The following HEPH variants were observed in gnomAD, a reference collection of about 807,000 sequenced individuals.
HEPH encodes the protein hephaestin.
A neutral mutation model predicts 80.8 loss-of-function variants in HEPH; 69 were observed. The observed-to-expected ratio is 0.85, with a 90% CI of 0.70 to 1.04. The LOEUF is 1.04. Among genes scored for constraint, HEPH ranks in the 50% least tolerant of loss-of-function variants. The probability of loss-of-function intolerance (pLI) is 0.00; values close to 1 mark genes in which losing one functional copy is unlikely to be tolerated. For missense variants in HEPH, 1,115 were observed against 891.3 expected, an observed-to-expected ratio of 1.25 and a Z score of -3.20; for synonymous variants, 431 against 322.8, an observed-to-expected ratio of 1.34 and a Z score of -3.60.
In HEPH at chrX:66,188,425, G is replaced by C. The variant is rs755569909; in HGVS notation, c.692G>C (p.Ser231Thr). 20 of 1,204,944 alleles carry C rather than the reference G, an allele frequency of 1.7e-5. No individual in the cohort carries two copies. The Admixed American group carries it at 3.1e-4, about 19-fold the overall frequency. The change falls in exon 5 of 21, where the codon AGT (serine) becomes ACT (threonine). Residue 231 changes from serine to threonine, a missense_variant. Physicochemically the swap from Ser to Thr is moderately conservative, Grantham distance 58. This residue lies in a region of HEPH where 391 missense variants were observed against 343.6 expected (regional missense o/e 1.14). Coordinates refer to ENST00000343002, the MANE Select transcript of HEPH (RefSeq NM_001367233.3). ...DVDHDFFLLF[S>T]VVDENLSWHL... ...GACCATGATTTCTTCCTCCTCTTCA[G>C]TGTGGTAGATGAGAACCTCAGCTGG...
rs767123857 is a variant in HEPH, at chrX:66,166,318, C to T, written c.-14+1848C>T. Among the ~76,000 whole-genome samples the T allele has an allele frequency of 3.6e-5, 4 of 111,213 alleles. No individual in the cohort carries two copies. The South Asian group carries it at 1.2e-3, about 32-fold the overall frequency. On this transcript the variant is annotated intron_variant, in intron 1 of 20. Transcript: ENST00000343002. ...AAGCGATTCTCCTGCCTCAGCCTCCCGAGTAGCTGGGATTACAGGCATGCA... is the reference window on the plus strand; with the variant it reads ...AAGCGATTCTCCTGCCTCAGCCTCCTGAGTAGCTGGGATTACAGGCATGCA...
intron 9 of HEPH, among the ~76,000 whole-genome samples, chrX:66,197,101 T>A (rs1434458514): frequency 9.0e-6 from 1 of 110,782 alleles, no homozygotes; most frequent in Non-Finnish European, 1.9e-5. Context: ...TGATTACTGA[T>A]GGCATGAAAA....
intron 6 of HEPH, among the ~76,000 whole-genome samples, chrX:66,191,490 G>A (rs2087787890): frequency 8.9e-6 from 1 of 111,894 alleles, no homozygotes; most frequent in Admixed American, 9.4e-5. Flanking sequence ...ATATAGCTGA[G>A]TGACCTCTAT....
chrX:66,263,578 AG>A, intron 19 of HEPH, 65 bp from the exon 20 acceptor site: 1 of 1,125,508 alleles, frequency 8.9e-7, no homozygotes, highest in Non-Finnish European at 1.2e-6. Flanking sequence ...GACCTTTCAT[AG>A]GGGGCCTATG....
At chrX:66,230,881 G>T in intron 15 of HEPH, among the ~76,000 whole-genome samples, 2 of 98,080 alleles carry the variant, frequency 2.0e-5, no homozygotes, top group Admixed American at 2.3e-4. Context: ...TAATGCCTAG[G>T]TTTTCTTCTA....
chrX:66,206,437 A>G (rs2088784250), intron 13 of HEPH, among the ~76,000 whole-genome samples: 1 of 85,620 alleles, frequency 1.2e-5, no homozygotes, highest in Non-Finnish European at 2.1e-5. Context: ...ATCTTGGCTC[A>G]CAGCAACCTC....
At chrX:66,252,487 A>T (rs909088851) in intron 15 of HEPH, among the ~76,000 whole-genome samples, 5 of 111,545 alleles carry the variant, frequency 4.5e-5, no homozygotes, top group African/African-American at 1.6e-4. Context: ...AGTAAGAGAT[A>T]TGGCTGAAAA....
chrX:66,233,039 G>T lies in HEPH; in HGVS notation c.2564-21996G>T, dbSNP rs182875044. 4.5e-5 allele frequency among the ~76,000 whole-genome samples: 5 copies of T among 110,821 alleles called. No homozygotes were observed. The East Asian group carries it at 1.4e-3, about 31-fold the overall frequency. ...AAAAATCATTAACCTACAGAAGCAT[G>T]ATTATGATCTAAGCAAAAAATGGGC... On this transcript the variant is annotated intron_variant, in intron 15 of 20. Transcript: ENST00000343002.
intron 2 of HEPH, among the ~76,000 whole-genome samples, chrX:66,171,437 G>T (rs1363669491): frequency 2.7e-5 from 3 of 111,997 alleles, no homozygotes; most frequent in Admixed American, 9.5e-5. Context: ...AGATCCCACA[G>T]GATTAACCTT....
chrX:66,218,606 G>A (rs1197736295), intron 15 of HEPH, among the ~76,000 whole-genome samples: 3 of 111,717 alleles, frequency 2.7e-5, no homozygotes, highest in Admixed American at 9.5e-5. Context: ...AAGAAGTAAG[G>A]GCTTTATTCG....
At chrX:66,231,258 G>A (rs1218215977) in intron 15 of HEPH, among the ~76,000 whole-genome samples, 6 of 108,668 alleles carry the variant, frequency 5.5e-5, no homozygotes, top group South Asian at 4.1e-4. Context: ...TTGGTGATGC[G>A]GGCTCTTTTT....
intron 3 of HEPH, 84 bp downstream of exon 3, chrX:66,172,683 G>A: frequency 2.0e-6 from 2 of 988,356 alleles, no homozygotes; most frequent in Non-Finnish European, 2.7e-6. Context: ...AGAACTGGTA[G>A]TGAAGATTTT....
At chrX:66,223,762 T>A (rs923367673) in intron 15 of HEPH, among the ~76,000 whole-genome samples, 1 of 111,772 alleles carries the variant, frequency 8.9e-6, no homozygotes, top group African/African-American at 3.2e-5. Context: ...TAGGTAAAAA[T>A]TTACATTCTT....
downstream of HEPH, chrX:66,268,239 C>T (rs775101793): frequency 4.6e-4 from 52 of 112,247 alleles, no homozygotes; most frequent in African/African-American, 1.6e-3. Context: ...TTGATTCCAA[C>T]TTTTCTGTCT....
chrX:66,259,671 C>T (rs183156155), intron 18 of HEPH, among the ~76,000 whole-genome samples: 1 of 107,964 alleles, frequency 9.3e-6, no homozygotes, highest in Admixed American at 9.9e-5. Context: ...GTTGATTTAG[C>T]TTCGGTGGGT....
intron 4 of HEPH, among the ~76,000 whole-genome samples, chrX:66,176,841 T>TA (rs1197856391): frequency 8.9e-6 from 1 of 111,968 alleles, no homozygotes; most frequent in Non-Finnish European, 1.9e-5. Flanking sequence ...CATCATTTTT[T>TA]ATGGCTGCGT....
chrX:66,232,804 G>A (rs973412474), intron 15 of HEPH, among the ~76,000 whole-genome samples: 1 of 110,828 alleles, frequency 9.0e-6, no homozygotes, highest in Non-Finnish European at 1.9e-5. Context: ...TATTCTATCA[G>A]TAAATCTGAT....
chrX:66,195,217 G>C lies in HEPH; in HGVS notation c.1489G>C (p.Val497Leu). 1 of 1,183,061 alleles carries C rather than the reference G, an allele frequency of 8.5e-7. No individual in the cohort carries two copies. The highest frequency in any genetic ancestry group is 1.1e-6 in the Non-Finnish European group (1 of 881,613). Residue 497 changes from valine to leucine, a missense_variant, in exon 9 of 21, where the codon GTG (valine) becomes CTG (leucine). Coordinates refer to ENST00000343002, the MANE Select transcript of HEPH (RefSeq NM_001367233.3). ...VFYEKDYEGT[V>L]YNDGSSYPGL... ...TTATGAGAAAGACTATGAAGGCACT[G>C]TGTACAATGATGGTGAGCCAACAGG... is the stretch of plus-strand genomic sequence containing the variant.
In HEPH at chrX:66,197,860, G is replaced by A; in HGVS notation, c.1679G>A (p.Cys560Tyr). ...GGCCTGGTGGGCCCGCTGCTGGTGT[G>A]CAGGGCTGGTGCCTTGGGTGCAGAT... ...NSGLVGPLLV[C>Y]RAGALGADGK... Residue 560 changes from cysteine (C) to tyrosine (Y), a missense_variant, in exon 10 of 21, where the codon TGC (cysteine) becomes TAC (tyrosine). By Grantham distance (194) the Cys-to-Tyr change is radical. This residue lies in a region of HEPH where 716 missense variants were observed against 523.5 expected (regional missense o/e 1.37). Coordinates refer to ENST00000343002, the MANE Select transcript of HEPH (RefSeq NM_001367233.3). 2.5e-6 allele frequency: 3 copies of A among 1,206,089 alleles called. No individual in the cohort carries two copies. The highest frequency in any genetic ancestry group is 3.4e-6 in the Non-Finnish European group (3 of 892,570).
Sources: gnomAD v4.1 joint callset for allele counts (sites outside exome capture counted in the v4.1 genomes callset) on GRCh38, gnomAD v4.1.1 for gene constraint, gnomAD v4.1.1 regional missense constraint, MANE v1.5 for transcripts, NCBI Gene and HGNC (gene_info 2026-07-23, HGNC 2026-07-21) for gene names.